Variants in ZDHHC13 observed in about 807,000 individuals in gnomAD.
The protein encoded by ZDHHC13 is zDHHC palmitoyltransferase 13, also known as palmitoyltransferase ZDHHC13.
Under a neutral mutation model 86.0 loss-of-function variants are expected in ZDHHC13, and 85 were observed. The ratio of observed to expected loss-of-function variants is 0.99; its 90% CI spans 0.83 to 1.18. The LOEUF (loss-of-function observed/expected upper bound fraction) is 1.18, where lower values mean the gene tolerates loss of function less well. Among genes scored for constraint, ZDHHC13 ranks in the 50% most tolerant of loss-of-function variants. ZDHHC13 has a pLI of 0.00. For synonymous variants in ZDHHC13, 263 were observed against 246.4 expected, an observed-to-expected ratio of 1.07 and a Z score of -0.63; for missense variants, 711 against 730.2, an observed-to-expected ratio of 0.97 and a Z score of 0.30.
At chr11:19,134,625 C>T (rs1025264186) in intron 1 of ZDHHC13, among the ~76,000 whole-genome samples, 1 of 151,502 alleles carries the variant, frequency 6.6e-6, no homozygotes, top group Non-Finnish European at 1.5e-5. Context: ...CCAAACACTG[C>T]ATGTTCTCAC....
rs1848667393 is a variant in ZDHHC13, at chr11:19,117,368, G to T, written c.27+92G>T. On this transcript the variant is annotated intron_variant, in intron 1 of 16. Coordinates refer to ENST00000446113, the MANE Select transcript of ZDHHC13 (RefSeq NM_019028.3). This position sits in a 1 kb window ranked among gnomAD's most constrained non-coding sequence, Gnocchi z 4.2. ...TGGTGTGGGTGAGAGGCCGCTCGAT[G>T]AGGGGGTTTCGGGAGCGGCGGGGCC... is the stretch of plus-strand genomic sequence containing the variant. The T allele has an allele frequency of 3.1e-6, 4 of 1,305,244 alleles. No homozygotes were observed. The highest frequency in any genetic ancestry group is 6.7e-5 in the Admixed American group (2 of 30,042). 80.9% of individuals were successfully genotyped at this position (1,305,244 alleles called of 1,614,324 possible).
intron 1 of ZDHHC13, among the ~76,000 whole-genome samples, chr11:19,136,315 G>A (rs1280513392): frequency 6.6e-5 from 10 of 152,160 alleles, no homozygotes; most frequent in Non-Finnish European, 5.9e-5. Flanking sequence ...CTGGAAGAAA[G>A]GGTATCAGTG....
At chr11:19,118,034 C>T (rs560563790) in intron 1 of ZDHHC13, 5 of 152,332 alleles carry the variant, frequency 3.3e-5, no homozygotes, top group South Asian at 2.1e-4. Flanking sequence ...TGTAGACGTT[C>T]ACTTAATATT....
chr11:19,130,252 G>A (rs971865987), intron 1 of ZDHHC13, among the ~76,000 whole-genome samples: 2 of 152,072 alleles, frequency 1.3e-5, no homozygotes, highest in African/African-American at 4.8e-5. Flanking sequence ...TAGATATTAT[G>A]TTATTTATTA....
Position 19,142,983 on chromosome 11 carries a change from G to A in ZDHHC13, c.33G>A (p.Arg11=). 1 of 1,607,092 alleles carries A rather than the reference G, an allele frequency of 6.2e-7. No individual in the cohort carries two copies. The highest frequency in any genetic ancestry group is 8.5e-7 in the Non-Finnish European group (1 of 1,176,272). MEGPGLGSQC[R]NHSHGPHPPG... is the part of the protein sequence containing the mutation. ...AAATGACTCTTACTCTTCAGTGCAG[G>A]AATCACAGCCATGGCCCCCACCCTC... is the stretch of plus-strand genomic sequence containing the variant. The change falls in exon 2 of 17, where the codon AGG becomes AGA. Residue 11 remains arginine (R), a synonymous_variant. Transcript: ENST00000446113.
At chr11:19,118,910 A>G (rs1848702299) in intron 1 of ZDHHC13, 1 of 152,248 alleles carries the variant, frequency 6.6e-6, no homozygotes, top group Non-Finnish European at 1.5e-5. Context: ...GATAGAGCCA[A>G]GACTTCAGTC....
rs781273536 is a variant in ZDHHC13, at chr11:19,152,728, T to G, written c.873+44T>G. On this transcript the variant is annotated intron_variant, in intron 8 of 16. Coordinates refer to ENST00000446113, the MANE Select transcript of ZDHHC13 (RefSeq NM_019028.3). ...TTTTCTATGGGATAGATGACTTTTT[T>G]TGTTCATTTGGTTTTGTTTATTAAG... 5.6e-6 allele frequency: 9 copies of G among 1,609,804 alleles called. No individual in the cohort carries two copies. In the African/African-American group the frequency reaches 1.1e-4, roughly 19 times the overall value.
rs775406409 is a variant in ZDHHC13, at chr11:19,143,145, G to C, written c.173+22G>C. The stretch of plus-strand genomic sequence containing the variant: ...CTCAGTAAGTCTTCCAAATGCTTTG[G>C]TTTATCCTTATGTTCTCTAGAATTA... On this transcript the variant is annotated intron_variant, in intron 2 of 16. Coordinates refer to ENST00000446113, the MANE Select transcript of ZDHHC13 (RefSeq NM_019028.3). 12 of 1,603,472 alleles carry C rather than the reference G, an allele frequency of 7.5e-6. No individual in the cohort carries two copies. In the East Asian group the frequency reaches 1.6e-4, roughly 21 times the overall value.
intron 14 of ZDHHC13, chr11:19,169,799 C>T: frequency 2.0e-6 from 2 of 985,554 alleles, no homozygotes; most frequent in Non-Finnish European, 2.4e-6. Flanking sequence ...AGAAACTGAG[C>T]TGTGACCATC....
intron 1 of ZDHHC13, among the ~76,000 whole-genome samples, chr11:19,130,454 A>G (rs934950207): frequency 6.6e-6 from 1 of 152,154 alleles, no homozygotes; most frequent in Non-Finnish European, 1.5e-5. Flanking sequence ...TTCTTGATCA[A>G]ACTGATCAAA....
intron 15 of ZDHHC13, among the ~76,000 whole-genome samples, chr11:19,171,290 GT>G (rs1484134094): frequency 6.6e-6 from 1 of 152,114 alleles, no homozygotes; most frequent in Non-Finnish European, 1.5e-5. Context: ...CATTATTGCT[GT>G]GTCCTGCCCA....
chr11:19,169,515 T>C (rs1462713587), intron 14 of ZDHHC13: 5 of 985,468 alleles, frequency 5.1e-6, no homozygotes, highest in Non-Finnish European at 6.0e-6. Flanking sequence ...CAGAGCAGCA[T>C]TGGGAAAATG....
chr11:19,141,867 A>G (rs938356094), intron 1 of ZDHHC13, among the ~76,000 whole-genome samples: 1 of 152,160 alleles, frequency 6.6e-6, no homozygotes, highest in African/African-American at 2.4e-5. Context: ...TTGTTGATTC[A>G]GCTAGTGGGA....
intron 1 of ZDHHC13, among the ~76,000 whole-genome samples, chr11:19,142,108 A>C (rs1227291005): frequency 1.3e-5 from 2 of 152,120 alleles, no homozygotes; most frequent in African/African-American, 4.8e-5. Context: ...TCCTCTGCTA[A>C]GGGTCTCTCA....
At position 19,170,579 on chromosome 11, in the gene ZDHHC13, C is replaced by A; in HGVS notation, c.1632+11C>A. On this transcript the variant is annotated intron_variant, in intron 15 of 16. Transcript: ENST00000446113. ...AATCAACTCTTTCAGGTATTTATTT[C>A]TCTTCTTATAATGGCTTTGAGTAAA... 6 of 1,511,460 alleles carry A rather than the reference C, an allele frequency of 4.0e-6. No homozygotes were observed. The highest frequency in any genetic ancestry group is 5.3e-6 in the Non-Finnish European group (6 of 1,136,136). 93.6% of individuals were successfully genotyped at this position (1,511,460 alleles called of 1,614,324 possible).
chr11:19,144,100 T>C lies in ZDHHC13; in HGVS notation c.173+977T>C, dbSNP rs79364261. Among the ~76,000 whole-genome samples the C allele has an allele frequency of 9.1e-3, 1,387 of 152,362 alleles. 24 individuals carry two copies. The highest frequency in any genetic ancestry group is 0.032 in the African/African-American group (1,325 of 41,584). On this transcript the variant is annotated intron_variant, in intron 2 of 16. Coordinates refer to ENST00000446113, the MANE Select transcript of ZDHHC13 (RefSeq NM_019028.3). ...AAATATATTGACAATTATTTGAGTA[T>C]TCTAATTACCAATTTATATTAACTC...
At chr11:19,150,083 T>C (rs1487829003) in intron 5 of ZDHHC13, among the ~76,000 whole-genome samples, 1 of 152,198 alleles carries the variant, frequency 6.6e-6, no homozygotes, top group African/African-American at 2.4e-5. Context: ...GTCCTGTTCC[T>C]CCAAGGCCCA....
At chr11:19,135,471 C>G (rs1370899600) in intron 1 of ZDHHC13, among the ~76,000 whole-genome samples, 4 of 152,238 alleles carry the variant, frequency 2.6e-5, no homozygotes, top group Non-Finnish European at 5.9e-5. Context: ...TGAGATCAAA[C>G]TGCAAGGCGG....
intron 9 of ZDHHC13, among the ~76,000 whole-genome samples, chr11:19,158,738 GT>G (rs1196841060): frequency 1.3e-5 from 2 of 152,076 alleles, no homozygotes; most frequent in Admixed American, 6.6e-5. Context: ...TTGTGCTTTA[GT>G]TTTCTCCTGT....
Sources: allele counts gnomAD v4.1 joint callset (sites outside exome capture counted in the v4.1 genomes callset), GRCh38; gene constraint gnomAD v4.1.1; non-coding constraint Gnocchi (gnomAD v3.1); transcripts MANE v1.5; gene names NCBI Gene and HGNC (gene_info 2026-07-23, HGNC 2026-07-21).